The following EXOG variants were observed in gnomAD, a reference collection of about 807,000 sequenced individuals.
EXOG encodes nuclease EXOG, mitochondrial.
Under a neutral mutation model 25.8 loss-of-function variants are expected in EXOG, and 27 were observed. The ratio of observed to expected loss-of-function variants is 1.05; its 90% CI spans 0.77 to 1.45. The LOEUF is 1.45. EXOG is among the 40% of genes most tolerant of loss of function. The pLI is 0.00. For synonymous variants in EXOG, 133 were observed against 167.0 expected (o/e 0.80, Z 1.57); for missense variants, 458 against 450.5 (o/e 1.02, Z -0.15).
intron 5 of EXOG, among the ~76,000 whole-genome samples, chr3:38,511,395 A>G (rs1366968798): frequency 6.6e-6 from 1 of 152,200 alleles, no homozygotes; most frequent in East Asian, 1.9e-4. Context: ...GAACCATAAA[A>G]AAAGGAATAA....
At chr3:38,505,992 A>T (rs1288523912) in intron 4 of EXOG, among the ~76,000 whole-genome samples, 1 of 150,658 alleles carries the variant, frequency 6.6e-6, no homozygotes, top group Non-Finnish European at 1.5e-5. Flanking sequence ...TCATATACAT[A>T]CTTTCATATG....
intron 2 of EXOG, chr3:38,499,836 A>C (rs1359609149): frequency 2.8e-6 from 1 of 362,702 alleles, no homozygotes; most frequent in East Asian, 7.5e-5. Context: ...GCGAATTGCT[A>C]GGTTAGTGTT....
chr3:38,501,826 A>C (rs1287860839), intron 3 of EXOG, among the ~76,000 whole-genome samples: 1 of 152,082 alleles, frequency 6.6e-6, no homozygotes, highest in Non-Finnish European at 1.5e-5. Context: ...GCGCACTGCA[A>C]CCTCTGCCTC....
At chr3:38,510,537 T>G (rs2060336680) in intron 5 of EXOG, among the ~76,000 whole-genome samples, 2 of 152,064 alleles carry the variant, frequency 1.3e-5, no homozygotes, top group South Asian at 4.1e-4. Context: ...TTAAAAAGTT[T>G]AGGGAAAAGA....
chr3:38,516,662 A>G (rs1019809868), intron 5 of EXOG, among the ~76,000 whole-genome samples: 2 of 152,136 alleles, frequency 1.3e-5, no homozygotes, highest in African/African-American at 4.8e-5. Context: ...AAATTTTACA[A>G]ATTACCCAAT....
intron 5 of EXOG, among the ~76,000 whole-genome samples, chr3:38,512,709 C>T (rs565597687): frequency 9.2e-5 from 14 of 152,132 alleles, no homozygotes; most frequent in African/African-American, 3.4e-4. Flanking sequence ...TGAGTTTTGC[C>T]TGTAGCAGAG....
At chr3:38,522,092 C>T (rs1316405410) in intron 5 of EXOG, among the ~76,000 whole-genome samples, 1 of 152,128 alleles carries the variant, frequency 6.6e-6, no homozygotes, top group African/African-American at 2.4e-5. Flanking sequence ...TACACCACAC[C>T]CCGACCAACC....
chr3:38,524,148 C>G lies in EXOG; in HGVS notation c.893C>G (p.Thr298Ser). 1.9e-6 allele frequency: 3 copies of G among 1,614,130 alleles called. No homozygotes were observed. The highest frequency in any genetic ancestry group is 2.5e-6 in the Non-Finnish European group (3 of 1,179,988). Residue 298 changes from threonine (T) to serine (S), a missense_variant, in exon 6 of 6, where the codon ACC (threonine) becomes AGC (serine). Transcript: ENST00000287675. ...ATCCGGAATATCTGCTCTGTGGACA[C>G]CTGTAAGCTCCTGGATTTCCAGGAG... ...SDIRNICSVD[T>S]CKLLDFQEFT...
rs148245042 is a variant in EXOG at position 38,516,199 on chromosome 3, C to CATAT, written c.646-7691_646-7688dup. ...TATGTGGAATATATATATGGATATCCATATATATATATATGTATTTTCCTT... is the reference window on the plus strand; with the variant it reads ...TATGTGGAATATATATATGGATATCCATATATATATATATATATGTATTTTCCTT... On this transcript the variant is annotated intron_variant, in intron 5 of 5. Coordinates refer to ENST00000287675, the MANE Select transcript of EXOG (RefSeq NM_005107.4). 8.1e-3 allele frequency among the ~76,000 whole-genome samples: 1,227 copies of CATAT among 150,586 alleles called. 7 individuals carry two copies. The highest frequency in any genetic ancestry group is 0.013 in the Non-Finnish European group (909 of 67,624).
chr3:38,515,505 G>C, intron 5 of EXOG: 1 of 176,014 alleles, frequency 5.7e-6, no homozygotes, highest in South Asian at 1.5e-4. Flanking sequence ...GGGAAAAGTG[G>C]AAAATTATCT....
In EXOG at chr3:38,524,161, G is replaced by A. The variant is rs2060813866; in HGVS notation, c.906G>A (p.Leu302=). The part of the protein sequence containing the change: ...NICSVDTCKL[L]DFQEFTLYLS... ...GCTCTGTGGACACCTGTAAGCTCCT[G>A]GATTTCCAGGAGTTCACCTTGTACT... The change falls in exon 6 of 6, where the codon CTG becomes CTA. Residue 302 remains leucine, a synonymous_variant. Transcript: ENST00000287675. 6.2e-7 allele frequency: 1 copy of A among 1,614,036 alleles called. No individual in the cohort carries two copies. Among genetic ancestry groups the A allele is most frequent in the Admixed American group, 1.7e-5 (1 of 60,004 alleles).
chr3:38,519,539 T>TA (rs2060643775), intron 5 of EXOG, among the ~76,000 whole-genome samples: 1 of 152,204 alleles, frequency 6.6e-6, no homozygotes, highest in Non-Finnish European at 1.5e-5. Context: ...TTTGAAGTGA[T>TA]ATGGGAGTAA....
Position 38,497,658 on chromosome 3 carries a change from T to C in EXOG, c.193T>C (p.Phe65Leu), listed in dbSNP as rs199775427. The change falls in exon 2 of 6, where the codon TTT becomes CTT. Residue 65 changes from phenylalanine to leucine, a missense_variant. Physicochemically the swap from Phe to Leu is conservative, Grantham distance 22 (BLOSUM62 0). Around this residue, in one of 3 missense-constraint regions of EXOG, gnomAD observed 275 missense variants for 230.5 expected, o/e 1.19. Transcript: ENST00000287675. Reference protein sequence around the residue: ...GSAEKAVLEQFGFPLTGTEAR... With the variant: ...GSAEKAVLEQLGFPLTGTEAR... ...TGCAGAAAAGGCTGTCTTGGAACAA[T>C]TTGGATTCCCTTTAACTGGAACAGA... 6.3e-7 allele frequency: 1 copy of C among 1,591,378 alleles called. No individual in the cohort carries two copies. Among genetic ancestry groups the C allele is most frequent in the Non-Finnish European group, 8.5e-7 (1 of 1,171,422 alleles).
chr3:38,513,526 G>A (rs2060435450), intron 5 of EXOG, among the ~76,000 whole-genome samples: 1 of 151,930 alleles, frequency 6.6e-6, no homozygotes, highest in African/African-American at 2.4e-5. Context: ...AGGTAAGGGT[G>A]GCAGTGTATT....
intron 5 of EXOG, among the ~76,000 whole-genome samples, chr3:38,520,853 C>A (rs2060695028): frequency 6.6e-6 from 1 of 152,218 alleles, no homozygotes; most frequent in Non-Finnish European, 1.5e-5. Flanking sequence ...GTGGACGCGA[C>A]TTGCAGCTTA....
intron 2 of EXOG, among the ~76,000 whole-genome samples, chr3:38,498,360 G>A (rs2059953221): frequency 1.3e-5 from 2 of 151,858 alleles, no homozygotes; most frequent in African/African-American, 4.8e-5. Context: ...TTTGAGATGA[G>A]CCTGGCCAAC....
At position 38,524,246 on chromosome 3, in the gene EXOG, A is replaced by G. The variant is rs551844651; in HGVS notation, c.991A>G (p.Asn331Asp). Residue 331 changes from asparagine to aspartate, a missense_variant, in exon 6 of 6, where the codon AAC becomes GAC. Physicochemically the swap from Asn to Asp is conservative, Grantham distance 23. Around this residue, in one of 3 missense-constraint regions of EXOG, gnomAD observed 178 missense variants for 203.7 expected, o/e 0.87. Transcript: ENST00000287675. ...SVLRLEKIME[N>D]LKNAEIEPDD... ...GCTCAGACTGGAAAAGATCATGGAA[A>G]ACTTGAAGAATGCAGAGATTGAACC... The G allele has an allele frequency of 6.2e-7, 1 of 1,614,198 alleles. No individual in the cohort carries two copies. Among genetic ancestry groups the G allele is most frequent in the East Asian group, 2.2e-5 (1 of 44,892 alleles).
chr3:38,523,137 G>GACT, intron 5 of EXOG: 1 of 1,167,584 alleles, frequency 8.6e-7, no homozygotes, highest in Non-Finnish European at 1.1e-6. Flanking sequence ...GTTCCCTAGT[G>GACT]AATTTCATAA....
chr3:38,506,178 A>G (rs1366076326), intron 4 of EXOG, among the ~76,000 whole-genome samples: 1 of 148,162 alleles, frequency 6.7e-6, no homozygotes, highest in African/African-American at 2.6e-5. Context: ...AAAAAAAAGA[A>G]AAAAAAAATA....
Sources: gnomAD v4.1 joint callset for allele counts (sites outside exome capture counted in the v4.1 genomes callset) on GRCh38, gnomAD v4.1.1 for gene constraint, gnomAD v4.1.1 regional missense constraint, MANE v1.5 for transcripts, NCBI Gene and HGNC (gene_info 2026-07-23, HGNC 2026-07-21) for gene names.